Variants in MAPK7 observed in about 807,000 individuals in gnomAD.
The protein encoded by MAPK7 is mitogen-activated protein kinase 7.
MAPK7 carries 30 observed loss-of-function variants against 56.9 expected under a neutral mutation model. The ratio of observed to expected loss-of-function variants is 0.53; its 90% confidence interval spans 0.39 to 0.72. The LOEUF (loss-of-function observed/expected upper bound fraction) is 0.72. Among genes scored for constraint, MAPK7 ranks in the 30% least tolerant of loss-of-function variants. The probability of loss-of-function intolerance (pLI) is 0.00; values close to 1 mark genes in which losing one functional copy is unlikely to be tolerated. For missense variants in MAPK7, 952 were observed against 1,110.8 expected, an observed-to-expected ratio of 0.86 and a Z score of 2.03; for synonymous variants, 516 against 449.3, an observed-to-expected ratio of 1.15 and a Z score of -1.88.
chr17:19,378,535 T>G lies in MAPK7; in HGVS notation c.-101T>G. The G allele has an allele frequency of 1.8e-6, 2 of 1,132,784 alleles. No homozygotes were observed. Among genetic ancestry groups the G allele is most frequent in the South Asian group, 2.4e-5 (1 of 41,168 alleles). The allele number at this position is 1,132,784 out of a possible 1,614,324, so 70.2% of individuals were successfully genotyped here. A position where few individuals can be genotyped will look rare whatever the true frequency, so the allele number is the denominator to read the frequency against. ...GACGCTGAGGTGGTGGCTGCGGCCT[T>G]TGAACAAGTAAGTGAGCCACCCTCG... On this transcript the variant is annotated 5_prime_UTR_variant, in exon 1 of 7. Coordinates refer to ENST00000395604, the MANE Select transcript of MAPK7 (RefSeq NM_002749.4). The surrounding 1 kb of genome is among the most constrained non-coding windows in gnomAD (Gnocchi z 5.4).
rs766650146 is a variant in MAPK7, at chr17:19,381,729, C to T, written c.1477+43C>T. 1 of 1,545,236 alleles carries T rather than the reference C, an allele frequency of 6.5e-7. No homozygotes were observed. Among genetic ancestry groups the T allele is most frequent in the Non-Finnish European group, 8.7e-7 (1 of 1,148,990 alleles). On this transcript the variant is annotated intron_variant, in intron 4 of 6. Coordinates refer to ENST00000395604, the MANE Select transcript of MAPK7 (RefSeq NM_002749.4). The surrounding 1 kb of genome is among the most constrained non-coding windows in gnomAD (Gnocchi z 4.6). ...CGGGTGGGCAGAGGGGAGACTTGGA[C>T]TTGGACAAGGCTTCAGGCTTTTACC... is the stretch of plus-strand genomic sequence containing the variant.
Position 19,381,092 on chromosome 17 carries a change from C to G in MAPK7, c.883C>G (p.Arg295Gly). 1 of 1,613,938 alleles carries G rather than the reference C, an allele frequency of 6.2e-7. No individual in the cohort carries two copies. Among genetic ancestry groups the G allele is most frequent in the Non-Finnish European group, 8.5e-7 (1 of 1,180,010 alleles). ...VIQAVGAERVRAYIQSLPPRQ... is the reference protein window; with the variant it reads ...VIQAVGAERVGAYIQSLPPRQ... ...TCAGGCTGTGGGGGCTGAGAGGGTG[C>G]GGGCCTATATCCAGAGCTTGCCACC... The change falls in exon 4 of 7, where the codon CGG (arginine) becomes GGG (glycine). Residue 295 changes from arginine (R) to glycine (G), a missense_variant. Transcript: ENST00000395604. The surrounding 1 kb of genome is among the most constrained non-coding windows in gnomAD (Gnocchi z 4.6).
At chr17:19,378,483 C>CGGA, upstream of MAPK7, 1 of 1,037,510 alleles carries the variant, frequency 9.6e-7, no homozygotes, top group African/African-American at 1.7e-5. The surrounding 1 kb of genome is among the most constrained non-coding windows in gnomAD (Gnocchi z 5.4). Context: ...GGAGGCGGGG[C>CGGA]GGAGGGGGAC....
intron 3 of MAPK7, 42 bp downstream of exon 3, chr17:19,379,989 T>C (rs1268875706): frequency 3.1e-6 from 5 of 1,589,366 alleles, no homozygotes; most frequent in African/African-American, 2.7e-5. Flanking sequence ...TTGGGACTTT[T>C]CTGAAGGCTG....
Position 19,379,891 on chromosome 17 carries a change from C to T in MAPK7, c.342C>T (p.Ile114=), listed in dbSNP as rs761239133. 6 of 1,614,136 alleles carry T rather than the reference C, an allele frequency of 3.7e-6. No individual in the cohort carries two copies. Among genetic ancestry groups the T allele is most frequent in the South Asian group, 2.2e-5 (2 of 91,094 alleles). ...KILKHFKHDN[I]IAIKDILRPT... is the part of the protein sequence containing the mutation. ...TCAAGCACTTTAAACACGACAACAT[C>T]ATCGCCATCAAGGACATCCTGAGGC... is the stretch of plus-strand genomic sequence containing the variant. The change falls in exon 3 of 7, where the codon ATC becomes ATT. Residue 114 remains isoleucine (I), a synonymous_variant. Transcript: ENST00000395604.
At chr17:19,378,324 G>C, upstream of MAPK7, 1 of 988,308 alleles carries the variant, frequency 1.0e-6, no homozygotes, top group South Asian at 4.5e-5. This position sits in a 1 kb window ranked among gnomAD's most constrained non-coding sequence, Gnocchi z 5.4. Flanking sequence ...CCCTTTGGGC[G>C]GCTCCCGCCG....
rs768198659 is a variant in MAPK7 at position 19,382,123 on chromosome 17, C to T, written c.1820C>T (p.Pro607Leu). 7 of 1,612,480 alleles carry T rather than the reference C, an allele frequency of 4.3e-6. 1 individual carries two copies. Among genetic ancestry groups the T allele is most frequent in the South Asian group, 3.3e-5 (3 of 91,062 alleles). The change falls in exon 5 of 7, where the codon CCT (proline) becomes CTT (leucine). Residue 607 changes from proline to leucine, a missense_variant. Around this residue, in one of 5 missense-constraint regions of MAPK7, gnomAD observed 234 missense variants for 210.4 expected, o/e 1.11. Transcript: ENST00000395604. ...PTPVQPTSPP[P>L]GPVAQPTGPQ... is the part of the protein sequence containing the mutation. ...CCAGTCCAACCTACCAGTCCTCCTC[C>T]TGGCCCTGTAGCCCAGCCCACTGGC...
At position 19,383,353 on chromosome 17, in the gene MAPK7, A is replaced by G; in HGVS notation, c.*122A>G. 1.8e-6 allele frequency: 2 copies of G among 1,117,268 alleles called. No homozygotes were observed. Among genetic ancestry groups the G allele is most frequent in the Non-Finnish European group, 2.5e-6 (2 of 800,458 alleles). The allele number at this position is 1,117,268 out of a possible 1,614,324, so 69.2% of individuals were successfully genotyped here. A position where few individuals can be genotyped will look rare whatever the true frequency, so the allele number is the denominator to read the frequency against. ...TCGGCTTGGATTATTCTGCAGGTTC[A>G]TCTCAGACCCACCTTTCAGCCTTAA... is the stretch of plus-strand genomic sequence containing the variant. On this transcript the variant is annotated 3_prime_UTR_variant, in exon 7 of 7. Transcript: ENST00000395604.
chr17:19,378,294 C>T (rs1016635640), upstream of MAPK7: 5 of 987,520 alleles, frequency 5.1e-6, no homozygotes, highest in East Asian at 5.7e-4. The surrounding 1 kb of genome is among the most constrained non-coding windows in gnomAD (Gnocchi z 5.4). Flanking sequence ...GGGGAGCACA[C>T]CCCTGCGAAG....
chr17:19,377,870 GA>G, upstream of MAPK7: 1 of 985,430 alleles, frequency 1.0e-6, no homozygotes, highest in Non-Finnish European at 1.2e-6. Flanking sequence ...TAGAAGCCAG[GA>G]AACCGCGAGC....
rs765681181 is a variant in MAPK7 at position 19,383,112 on chromosome 17, C to T, written c.2332C>T (p.Leu778Phe). ...ADSASLSASL[L>F]ADWLEGHGMN... ...TTCAGCCTCTCTCTCAGCCTCCCTG[C>T]TTGCTGACTGGCTCGAAGGCCATGG... The change falls in exon 7 of 7, where the codon CTT becomes TTT. Residue 778 changes from leucine to phenylalanine, a missense_variant. By Grantham distance (22) the Leu-to-Phe change is conservative. This residue lies in a region of MAPK7 where 73 missense variants were observed against 104.6 expected (regional missense o/e 0.70). Coordinates refer to ENST00000395604, the MANE Select transcript of MAPK7 (RefSeq NM_002749.4). 1 of 1,614,186 alleles carries T rather than the reference C, an allele frequency of 6.2e-7. No individual in the cohort carries two copies. The highest frequency in any genetic ancestry group is 1.1e-5 in the South Asian group (1 of 91,090).
At chr17:19,379,171 G>A (rs757997389) in intron 2 of MAPK7, 39 bp downstream of exon 2, 2 of 1,572,648 alleles carry the variant, frequency 1.3e-6, no homozygotes, top group South Asian at 2.2e-5. Flanking sequence ...ATGTGGCAGC[G>A]TCGCAGGGAG....
At position 19,381,335 on chromosome 17, in the gene MAPK7, C is replaced by T. The variant is rs772799361; in HGVS notation, c.1126C>T (p.Arg376Cys). Residue 376 changes from arginine to cysteine, a missense_variant, in exon 4 of 7, where the codon CGC becomes TGC. By Grantham distance (180) the Arg-to-Cys change is radical (BLOSUM62 -3). Transcript: ENST00000395604. The surrounding 1 kb of genome is among the most constrained non-coding windows in gnomAD (Gnocchi z 4.6). ...AFDREALTRE[R>C]IKEAIVAEIE... ...TGACCGCGAAGCCCTCACTCGGGAG[C>T]GCATTAAGGAGGCCATTGTGGCTGA... The T allele has an allele frequency of 8.1e-6, 13 of 1,614,008 alleles. No individual in the cohort carries two copies. Among genetic ancestry groups the T allele is most frequent in the Admixed American group, 5.0e-5 (3 of 60,012 alleles).
intron 5 of MAPK7, 39 bp downstream of exon 5, chr17:19,382,505 G>A: frequency 3.3e-6 from 5 of 1,531,304 alleles, no homozygotes; most frequent in Non-Finnish European, 3.5e-6. Context: ...ACCTGGGTCT[G>A]GGCCAAAGGA....
chr17:19,380,435 T>A (rs1912549541), intron 3 of MAPK7, 173 bp from the exon 4 acceptor site: 2 of 1,406,872 alleles, frequency 1.4e-6, no homozygotes, highest in Non-Finnish European at 1.8e-6. Context: ...CATGGAAAAG[T>A]CGTAGAGAAT....
In MAPK7 at chr17:19,382,276, C is replaced by T. The variant is rs1407051865; in HGVS notation, c.1973C>T (p.Ala658Val). 1.9e-6 allele frequency: 3 copies of T among 1,612,470 alleles called. No homozygotes were observed. Among genetic ancestry groups the T allele is most frequent in the Non-Finnish European group, 2.5e-6 (3 of 1,179,904 alleles). ...CCTGTCCCCGCGCCACCCCAGATTGCCACCTCCACCAGCCTCCTGGCTGCC... is the reference window on the plus strand; with the variant it reads ...CCTGTCCCCGCGCCACCCCAGATTGTCACCTCCACCAGCCTCCTGGCTGCC... ...PIPVPAPPQI[A>V]TSTSLLAAQS... The change falls in exon 5 of 7, where the codon GCC becomes GTC. Residue 658 changes from alanine (A) to valine (V), a missense_variant. Ala to Val is a moderately conservative substitution (Grantham distance 64). Transcript: ENST00000395604.
chr17:19,382,831 CCT>C lies in MAPK7; in HGVS notation c.2183_2184del (p.Pro728ArgfsTer18), dbSNP rs778543338. The C allele has an allele frequency of 1.2e-6, 2 of 1,614,194 alleles. No homozygotes were observed. Among genetic ancestry groups the C allele is most frequent in the Non-Finnish European group, 1.7e-6 (2 of 1,180,022 alleles). ...CCTGCAGGTGGAGGACCCCCTGCCC[CCT>C]GTGTTCTCAGGCACACCAAAGGGCA... ...SKSQVEDPLP[P>X]VFSGTPKGSG... On this transcript the variant is annotated frameshift_variant, in exon 6 of 7. Coordinates refer to ENST00000395604, the MANE Select transcript of MAPK7 (RefSeq NM_002749.4). LOFTEE classifies it high-confidence loss of function.
rs1030166474 is a variant in MAPK7 at position 19,379,262 on chromosome 17, G to T, written c.232+130G>T. The T allele has an allele frequency of 2.1e-5, 17 of 804,756 alleles. No homozygotes were observed. The African/African-American group carries it at 2.8e-4, about 13-fold the overall frequency. 49.9% of individuals were successfully genotyped at this position (804,756 alleles called of 1,614,324 possible). On this transcript the variant is annotated intron_variant, in intron 2 of 6. Transcript: ENST00000395604. ...CTCCAGTCAACACACACTGACCAGG[G>T]CCTTCTGCCTGCCAGGCTCCGGGGA...
In MAPK7 at chr17:19,381,269, G is replaced by C; in HGVS notation, c.1060G>C (p.Asp354His). The change falls in exon 4 of 7, where the codon GAT (aspartate) becomes CAT (histidine). Residue 354 changes from aspartate (D) to histidine (H), a missense_variant. This residue lies in a region of MAPK7 where 429 missense variants were observed against 533.0 expected (regional missense o/e 0.80). Transcript: ENST00000395604. This position sits in a 1 kb window ranked among gnomAD's most constrained non-coding sequence, Gnocchi z 4.6. ...TTTCCTGGCCAAGTACCATGATCCT[G>C]ATGATGAGCCTGACTGTGCCCCGCC... is the stretch of plus-strand genomic sequence containing the variant. Reference protein sequence around the residue: ...HPFLAKYHDPDDEPDCAPPFD... With the variant: ...HPFLAKYHDPHDEPDCAPPFD... 1.2e-6 allele frequency: 2 copies of C among 1,614,092 alleles called. No individual in the cohort carries two copies. The highest frequency in any genetic ancestry group is 2.2e-5 in the South Asian group (2 of 91,088).
Sources: allele counts gnomAD v4.1 joint callset, GRCh38; gene constraint gnomAD v4.1.1; regional missense constraint gnomAD v4.1.1; non-coding constraint Gnocchi (gnomAD v3.1); transcripts MANE v1.5; gene names NCBI Gene and HGNC (gene_info 2026-07-23, HGNC 2026-07-21).